Variants in PLD5 observed in about 807,000 individuals in gnomAD.
PLD5 encodes the protein phospholipase D family member 5.
A neutral mutation model predicts 61.1 loss-of-function variants in PLD5; 36 were observed. The observed-to-expected ratio is 0.59, with a 90% CI of 0.45 to 0.78. The LOEUF (loss-of-function observed/expected upper bound fraction) is 0.78, where lower values mean the gene tolerates loss of function less well. PLD5 is among the 30% of genes least tolerant of loss of function. The probability of loss-of-function intolerance (pLI) is 0.00; values close to 1 mark genes in which losing one functional copy is unlikely to be tolerated. For synonymous variants in PLD5, 243 were observed against 242.8 expected (o/e 1.00, Z -0.01); for missense variants, 515 against 644.4 (o/e 0.80, Z 2.17).
chr1:242,313,440 G>A (rs1676822101), intron 2 of PLD5, among the ~76,000 whole-genome samples: 2 of 152,104 alleles, frequency 1.3e-5, no homozygotes, highest in African/African-American at 4.8e-5. Flanking sequence ...AGCAGTTTCT[G>A]TTCTCATTAC....
At chr1:242,301,794 G>T (rs868766012) in intron 2 of PLD5, among the ~76,000 whole-genome samples, 1,003 of 18,162 alleles carry the variant, frequency 0.055, 15 homozygotes, top group African/African-American at 0.13. Context: ...ATTATTATTA[G>T]AGACAGAATC....
At chr1:242,464,897 C>T (rs538150555) in intron 1 of PLD5, among the ~76,000 whole-genome samples, 14 of 152,234 alleles carry the variant, frequency 9.2e-5, no homozygotes, top group Admixed American at 2.6e-4. Context: ...AAGCCAGACA[C>T]GAAAGGTCAC....
chr1:242,183,522 G>A (rs1225467456), intron 5 of PLD5, among the ~76,000 whole-genome samples: 2 of 152,210 alleles, frequency 1.3e-5, no homozygotes, highest in East Asian at 3.8e-4. Context: ...AGCTGAACTC[G>A]AAGGCAGAGG....
At chr1:242,101,148 G>A (rs966313726) in intron 8 of PLD5, among the ~76,000 whole-genome samples, 2 of 152,172 alleles carry the variant, frequency 1.3e-5, no homozygotes, top group Non-Finnish European at 2.9e-5. Context: ...GCATGGCAAT[G>A]AACCGAATGA....
At position 242,161,395 on chromosome 1, in the gene PLD5, T is replaced by A. The variant is rs1172468642; in HGVS notation, c.736-36730A>T. Among the ~76,000 whole-genome samples, 4 of 151,840 alleles carry A rather than the reference T, an allele frequency of 2.6e-5. No homozygotes were observed. In the East Asian group the frequency reaches 7.7e-4, roughly 29 times the overall value. Reference sequence around the variant, plus strand: ...CCCACGAATTATGGGAGCTACAATATGAGATTTGGGTGGGGACACAAACCA... The same window carrying A: ...CCCACGAATTATGGGAGCTACAATAAGAGATTTGGGTGGGGACACAAACCA... On this transcript the variant is annotated intron_variant, in intron 5 of 9. Transcript: ENST00000536534.
intron 5 of PLD5, among the ~76,000 whole-genome samples, chr1:242,194,607 T>TA (rs1232209337): frequency 3.9e-5 from 3 of 75,952 alleles, no homozygotes; most frequent in African/African-American, 1.7e-4. Flanking sequence ...TCTATCTATG[T>TA]ATCTATCTAT....
At chr1:242,493,130 A>C (rs12128054) in intron 1 of PLD5, among the ~76,000 whole-genome samples, 1 of 152,034 alleles carries the variant, frequency 6.6e-6, no homozygotes, top group Non-Finnish European at 1.5e-5. Flanking sequence ...AGGATATCTC[A>C]CAAAACCATA....
intron 1 of PLD5, among the ~76,000 whole-genome samples, chr1:242,520,497 G>A (rs146676281): frequency 4.2e-4 from 64 of 152,162 alleles, no homozygotes; most frequent in African/African-American, 1.5e-3. Context: ...AAATGATATC[G>A]AAGTCTGAAC....
intron 5 of PLD5, among the ~76,000 whole-genome samples, chr1:242,212,399 C>A (rs551706014): frequency 3.3e-5 from 5 of 152,274 alleles, no homozygotes; most frequent in South Asian, 4.1e-4. Context: ...CATTAAAGAC[C>A]AGAGCTGCGC....
At chr1:242,329,645 G>A (rs1659045967) in intron 2 of PLD5, among the ~76,000 whole-genome samples, 1 of 152,206 alleles carries the variant, frequency 6.6e-6, no homozygotes, top group Non-Finnish European at 1.5e-5. Context: ...TATCTTGACT[G>A]TCTGCCTTAG....
chr1:242,449,992 C>T (rs1666717197), intron 1 of PLD5, among the ~76,000 whole-genome samples: 1 of 152,192 alleles, frequency 6.6e-6, no homozygotes, highest in Non-Finnish European at 1.5e-5. Context: ...CTCATCAAGG[C>T]AGTGTAAGGT....
chr1:242,524,176 G>T lies in PLD5; in HGVS notation c.101C>A (p.Thr34Asn), dbSNP rs1270509700. Reference protein sequence around the residue: ...SRPKEPSPSLTRVGANFYSSV... With the variant: ...SRPKEPSPSLNRVGANFYSSV... Reference sequence around the variant, plus strand: ...GCTGTAGAAGTTCGCGCCCACTCGGGTCAGGCTTGGGGAGGGCTCCTTGGG... The same window carrying T: ...GCTGTAGAAGTTCGCGCCCACTCGGTTCAGGCTTGGGGAGGGCTCCTTGGG... The change falls in exon 1 of 10, where the codon ACC (threonine) becomes AAC (asparagine). Residue 34 changes from threonine to asparagine, a missense_variant. Thr to Asn is a moderately conservative substitution (Grantham distance 65). This residue lies in a region of PLD5 where 65 missense variants were observed against 46.3 expected (regional missense o/e 1.40). Transcript: ENST00000536534. 3 of 1,535,308 alleles carry T rather than the reference G, an allele frequency of 2.0e-6. No homozygotes were observed. In the African/African-American group the frequency reaches 4.1e-5, roughly 21 times the overall value.
chr1:242,462,314 A>G (rs905334036), intron 1 of PLD5, among the ~76,000 whole-genome samples: 4 of 152,208 alleles, frequency 2.6e-5, no homozygotes, highest in African/African-American at 9.7e-5. Context: ...CATAAAAAAG[A>G]ATAAAATCAT....
chr1:242,262,723 C>T (rs1033623314), intron 4 of PLD5, among the ~76,000 whole-genome samples: 8 of 152,030 alleles, frequency 5.3e-5, no homozygotes, highest in African/African-American at 1.9e-4. Flanking sequence ...GAGTTTCTAA[C>T]ATGAGTGACT....
At chr1:242,204,416 A>C (rs891581770) in intron 5 of PLD5, among the ~76,000 whole-genome samples, 1 of 152,148 alleles carries the variant, frequency 6.6e-6, no homozygotes, top group African/African-American at 2.4e-5. Context: ...CCACTAGTCC[A>C]TGCCCCTTGA....
intron 1 of PLD5, among the ~76,000 whole-genome samples, chr1:242,461,538 C>A (rs1334263122): frequency 6.6e-6 from 1 of 152,200 alleles, no homozygotes. Context: ...TATTTCTCAA[C>A]CTGTCCTACT....
At chr1:242,370,811 C>G (rs900479887) in intron 1 of PLD5, among the ~76,000 whole-genome samples, 1 of 152,078 alleles carries the variant, frequency 6.6e-6, no homozygotes, top group African/African-American at 2.4e-5. Context: ...TGACAAAATG[C>G]CAACTGGTCT....
At chr1:242,378,665 AC>A (rs1662106481) in intron 1 of PLD5, among the ~76,000 whole-genome samples, 1 of 151,988 alleles carries the variant, frequency 6.6e-6, no homozygotes, top group South Asian at 2.1e-4. Flanking sequence ...GCACGACAAA[AC>A]CCTGTCTCTA....
chr1:242,377,514 G>T, intron 1 of PLD5: 2 of 620,142 alleles, frequency 3.2e-6, no homozygotes, highest in Non-Finnish European at 2.9e-6. Flanking sequence ...AGCCTCTGAG[G>T]TTGGACGCCA....
Sources: allele counts gnomAD v4.1 joint callset (sites outside exome capture counted in the v4.1 genomes callset), GRCh38; gene constraint gnomAD v4.1.1; regional missense constraint gnomAD v4.1.1; transcripts MANE v1.5; gene names NCBI Gene and HGNC (gene_info 2026-07-23, HGNC 2026-07-21).